WDR64: variants seen among roughly 807,000 people sequenced by gnomAD.
WDR64 encodes WD repeat domain 64.
WDR64 carries 112 observed loss-of-function variants against 139.3 expected under a neutral mutation model. The ratio of observed to expected loss-of-function variants is 0.80; its 90% CI spans 0.69 to 0.94. The LOEUF is 0.94. Ranked by LOEUF, WDR64 falls within the 40% of genes least tolerant of loss-of-function variation. WDR64 has a pLI of 0.00. For synonymous variants in WDR64, 444 were observed against 437.7 expected (o/e 1.01, Z -0.18); for missense variants, 1,206 against 1,293.1 (o/e 0.93, Z 1.03).
At chr1:241,780,117 A>T in intron 22 of WDR64, 55 bp downstream of exon 22, 2 of 1,393,656 alleles carry the variant, frequency 1.4e-6, no homozygotes, top group Admixed American at 2.0e-5. Flanking sequence ...TTTATTGAGC[A>T]TTTCTCTGTG....
At chr1:241,728,823 C>CTTCTTCTT (rs772463495) in intron 10 of WDR64, among the ~76,000 whole-genome samples, 1 of 148,630 alleles carries the variant, frequency 6.7e-6, no homozygotes, top group African/African-American at 2.5e-5. Context: ...TTCTCTTCTT[C>CTTCTTCTT]TTTTTTTTTT....
At chr1:241,687,240 G>T (rs1181345652) in intron 7 of WDR64, among the ~76,000 whole-genome samples, 1 of 150,914 alleles carries the variant, frequency 6.6e-6, no homozygotes, top group Non-Finnish European at 1.5e-5. Flanking sequence ...GGAGGCAGAG[G>T]TTGCAGTGAG....
intron 10 of WDR64, among the ~76,000 whole-genome samples, chr1:241,724,393 G>C (rs1558491942): frequency 2.0e-5 from 3 of 152,088 alleles, no homozygotes; most frequent in Admixed American, 1.3e-4. Context: ...ATAAAACAGA[G>C]CAATAGTCAA....
At chr1:241,790,741 A>C in intron 25 of WDR64, 45 bp downstream of exon 25, 4 of 1,414,924 alleles carry the variant, frequency 2.8e-6, no homozygotes, top group Non-Finnish European at 3.9e-6. Context: ...ACAACAACAA[A>C]ACCTTTGCTT....
At chr1:241,787,608 T>A (rs918470377) in intron 23 of WDR64, among the ~76,000 whole-genome samples, 14 of 146,406 alleles carry the variant, frequency 9.6e-5, no homozygotes, top group Non-Finnish European at 3.0e-5. Flanking sequence ...GAGGTTGCAG[T>A]GAGTCGAGAT....
At chr1:241,786,111 C>T (rs1475461157) in intron 23 of WDR64, among the ~76,000 whole-genome samples, 1 of 152,208 alleles carries the variant, frequency 6.6e-6, no homozygotes, top group Non-Finnish European at 1.5e-5. Context: ...CAGGCCATGA[C>T]ATTTTTATAA....
At chr1:241,687,662 T>C in intron 8 of WDR64, 67 bp downstream of exon 8, 1 of 1,461,696 alleles carries the variant, frequency 6.8e-7, no homozygotes, top group Admixed American at 2.2e-5. Flanking sequence ...GATAAAACCA[T>C]GACAGCTTTG....
chr1:241,674,951 CCTCTCTCCTCCCTTCTT>C (rs1666426246), intron 4 of WDR64, among the ~76,000 whole-genome samples: 1 of 32,558 alleles, frequency 3.1e-5, no homozygotes, highest in Non-Finnish European at 8.3e-5. Flanking sequence ...CTCCTTCCTT[CCTCTCTCCTCCCTTCTT>C]TTTCTTTCCT....
In WDR64 at chr1:241,772,835, C is replaced by G; in HGVS notation, c.2334C>G (p.Asp778Glu). ...TGGTGGGAAAGCAACAGCCAATGGACAAAAAACACCCTGGAATTGCCAATT... is the reference window on the plus strand; with the variant it reads ...TGGTGGGAAAGCAACAGCCAATGGAGAAAAAACACCCTGGAATTGCCAATT... ...DVMVGKQQPM[D>E]KKHPGIANLP... The change falls in exon 20 of 28, where the codon GAC becomes GAG. Residue 778 changes from aspartate (D) to glutamate (E), a missense_variant. Physicochemically the swap from Asp to Glu is conservative, Grantham distance 45. Coordinates refer to ENST00000437684, the MANE Select transcript of WDR64 (RefSeq NM_001367482.1). 1.3e-6 allele frequency: 2 copies of G among 1,551,974 alleles called. No homozygotes were observed. The highest frequency in any genetic ancestry group is 4.9e-5 in the East Asian group (2 of 40,910).
intron 10 of WDR64, 89 bp from the exon 11 acceptor site, chr1:241,738,274 G>GT (rs975762903): frequency 1.1e-4 from 158 of 1,467,762 alleles, no homozygotes; most frequent in Non-Finnish European, 1.5e-5. Flanking sequence ...TTATAAGAGT[G>GT]TATTTCAAAC....
chr1:241,696,444 A>T (rs970442444), intron 8 of WDR64, among the ~76,000 whole-genome samples: 17 of 152,312 alleles, frequency 1.1e-4, no homozygotes, highest in African/African-American at 4.1e-4. Context: ...AAAGTAAAGG[A>T]ATAAAAGAAT....
intron 14 of WDR64, among the ~76,000 whole-genome samples, chr1:241,754,386 C>A (rs1180359757): frequency 1.5e-5 from 2 of 131,062 alleles, no homozygotes; most frequent in African/African-American, 5.9e-5. Context: ...GTGGCATGAT[C>A]ATGGCTCATT....
intron 15 of WDR64, among the ~76,000 whole-genome samples, chr1:241,762,247 C>T (rs761650882): frequency 1.3e-5 from 2 of 152,188 alleles, no homozygotes; most frequent in African/African-American, 2.4e-5. Context: ...TCACGTTGTA[C>T]ATCTCCATCA....
intron 10 of WDR64, among the ~76,000 whole-genome samples, chr1:241,730,524 C>G (rs2148217386): frequency 6.6e-6 from 1 of 152,312 alleles, no homozygotes; most frequent in East Asian, 1.9e-4. Flanking sequence ...CTTGCACACA[C>G]ACATACACAT....
At position 241,790,596 on chromosome 1, in the gene WDR64, G is replaced by GA. The variant is rs756419364; in HGVS notation, c.2902dup (p.Met968AsnfsTer17). 6.2e-7 allele frequency: 1 copy of GA among 1,606,614 alleles called. No homozygotes were observed. Among genetic ancestry groups the GA allele is most frequent in the Non-Finnish European group, 8.5e-7 (1 of 1,178,132 alleles). On this transcript the variant is annotated frameshift_variant, in exon 25 of 28. Coordinates refer to ENST00000437684, the MANE Select transcript of WDR64 (RefSeq NM_001367482.1). LOFTEE classifies it high-confidence loss of function. ...TCTTGTATCTTTATATGCAGATGGA[G>GA]AAAAATGAGCTCAGTGTCTCTACTT...
chr1:241,763,088 A>C (rs1355611043), intron 15 of WDR64, among the ~76,000 whole-genome samples: 1 of 152,196 alleles, frequency 6.6e-6, no homozygotes, highest in Non-Finnish European at 1.5e-5. Flanking sequence ...AACTCTACAT[A>C]TAATTGGAAA....
intron 2 of WDR64, among the ~76,000 whole-genome samples, chr1:241,663,580 T>G (rs1000902901): frequency 1.3e-5 from 2 of 152,234 alleles, no homozygotes; most frequent in African/African-American, 4.8e-5. Flanking sequence ...GGGCATAGTT[T>G]AAAAGCATTG....
chr1:241,674,559 A>T, intron 3 of WDR64, 85 bp from the exon 4 acceptor site: 2 of 819,856 alleles, frequency 2.4e-6, no homozygotes, highest in Non-Finnish European at 3.8e-6. Context: ...CCCTGGCCAT[A>T]TCATTTTTTA....
At chr1:241,655,132 C>T (rs969846962) in intron 1 of WDR64, among the ~76,000 whole-genome samples, 1 of 152,204 alleles carries the variant, frequency 6.6e-6, no homozygotes, top group African/African-American at 2.4e-5. Context: ...CGCCTATAAT[C>T]TCAGCACTTT....
Sources: allele counts gnomAD v4.1 joint callset (sites outside exome capture counted in the v4.1 genomes callset), GRCh38; gene constraint gnomAD v4.1.1; transcripts MANE v1.5; gene names NCBI Gene and HGNC (gene_info 2026-07-23, HGNC 2026-07-21).